The following EML6 variants were observed in gnomAD, a reference collection of about 807,000 sequenced individuals.
EML6 encodes the protein echinoderm microtubule-associated protein-like 6.
Under a neutral mutation model 240.1 loss-of-function variants are expected in EML6, and 154 were observed. The ratio of observed to expected loss-of-function variants is 0.64; its 90% CI spans 0.56 to 0.73. The LOEUF is 0.73. Ranked by LOEUF, EML6 falls within the 30% of genes least tolerant of loss-of-function variation. EML6 has a pLI of 0.00. For missense variants in EML6, 2,964 were observed against 2,474.6 expected, an observed-to-expected ratio of 1.20 and a Z score of -4.20; for synonymous variants, 1,148 against 899.0, an observed-to-expected ratio of 1.28 and a Z score of -4.95.
intron 24 of EML6, among the ~76,000 whole-genome samples, chr2:54,905,455 G>A (rs1319515883): frequency 2.0e-5 from 3 of 150,612 alleles, no homozygotes; most frequent in East Asian, 2.0e-4. Flanking sequence ...TTTCTATTAC[G>A]GAGTGAAGAG....
intron 2 of EML6, among the ~76,000 whole-genome samples, chr2:54,799,984 G>A (rs1433580014): frequency 6.6e-6 from 1 of 152,212 alleles, no homozygotes; most frequent in East Asian, 1.9e-4. Flanking sequence ...GGTGGCTCAC[G>A]CCTGTAATCT....
rs1377849091 is a variant in EML6 at position 54,844,392 on chromosome 2, G to A, written c.1049+144G>A. 5 of 656,292 alleles carry A rather than the reference G, an allele frequency of 7.6e-6. No individual in the cohort carries two copies. The Admixed American group carries it at 8.4e-5, about 11-fold the overall frequency. 40.7% of individuals were successfully genotyped at this position (656,292 alleles called of 1,614,324 possible). The stretch of plus-strand genomic sequence containing the variant: ...TTAAGACATTTAGCTCATCAAGTGG[G>A]TTTTTGGCATTTTGCTCCTGCTGTT... On this transcript the variant is annotated intron_variant, in intron 8 of 41. Transcript: ENST00000356458.
chr2:54,798,238 T>A (rs989592995), intron 2 of EML6, among the ~76,000 whole-genome samples: 1 of 152,224 alleles, frequency 6.6e-6, no homozygotes, highest in Non-Finnish European at 1.5e-5. Context: ...AGTGGCACCA[T>A]CTCGGCTCAC....
intron 17 of EML6, chr2:54,881,324 A>G (rs1452036321): frequency 6.6e-6 from 1 of 152,188 alleles, no homozygotes; most frequent in Non-Finnish European, 1.5e-5. Flanking sequence ...TAAAGCTTAT[A>G]TGTATGGCCT....
At chr2:54,889,773 A>G (rs1474321839) in intron 17 of EML6, among the ~76,000 whole-genome samples, 4 of 152,124 alleles carry the variant, frequency 2.6e-5, no homozygotes, top group Non-Finnish European at 4.4e-5. Flanking sequence ...AATCTCCTCT[A>G]GTTGCATTAG....
chr2:54,813,332 C>T lies in EML6; in HGVS notation c.298C>T (p.Leu100Phe), dbSNP rs1306158348. The T allele has an allele frequency of 1.6e-5, 25 of 1,551,526 alleles. No homozygotes were observed. The highest frequency in any genetic ancestry group is 2.0e-5 in the Non-Finnish European group (23 of 1,146,844). ...TTCCTATAATGTCCAGACTGTGTCT[C>T]TTCTTAAAGATGTCCATACACATGG... ...WDSYNVQTVS[L>F]LKDVHTHGVA... The change falls in exon 3 of 42, where the codon CTT becomes TTT. Residue 100 changes from leucine to phenylalanine, a missense_variant. Physicochemically the swap from Leu to Phe is conservative, Grantham distance 22 (BLOSUM62 0). Transcript: ENST00000356458.
chr2:54,795,446 C>T (rs552499049), intron 2 of EML6, among the ~76,000 whole-genome samples: 33 of 152,096 alleles, frequency 2.2e-4, no homozygotes, highest in South Asian at 8.3e-4. Flanking sequence ...ATGGGGATTA[C>T]AATTGGAGAT....
At position 54,820,434 on chromosome 2, in the gene EML6, T is replaced by C. The variant is rs557557361; in HGVS notation, c.497T>C (p.Val166Ala). The change falls in exon 5 of 42, where the codon GTG (valine) becomes GCG (alanine). Residue 166 changes from valine (V) to alanine (A), a missense_variant. Physicochemically the swap from Val to Ala is moderately conservative, Grantham distance 64 (BLOSUM62 0). Coordinates refer to ENST00000356458, the MANE Select transcript of EML6 (RefSeq NM_001039753.4). ...ISWDPYQPNRVVSCGVKHIKF... is the reference protein window; with the variant it reads ...ISWDPYQPNRAVSCGVKHIKF... ...TGGGATCCATATCAGCCAAACAGAGTGGTTAGCTGTGGAGTAAAACACATA... is the reference window on the plus strand; with the variant it reads ...TGGGATCCATATCAGCCAAACAGAGCGGTTAGCTGTGGAGTAAAACACATA... 9.0e-6 allele frequency: 14 copies of C among 1,549,762 alleles called. No homozygotes were observed. In the African/African-American group the frequency reaches 1.9e-4, roughly 21 times the overall value.
intron 2 of EML6, among the ~76,000 whole-genome samples, chr2:54,806,062 A>G (rs1363440198): frequency 6.6e-6 from 1 of 152,144 alleles, no homozygotes; most frequent in Non-Finnish European, 1.5e-5. Context: ...GACTTTAAGC[A>G]GAACTTCTAC....
chr2:54,926,096 G>C (rs1674528451), intron 26 of EML6, among the ~76,000 whole-genome samples: 1 of 152,152 alleles, frequency 6.6e-6, no homozygotes, highest in Admixed American at 6.5e-5. Context: ...CTACTCTGGA[G>C]ACATATTCCA....
chr2:54,823,878 T>G (rs2631843), intron 5 of EML6, among the ~76,000 whole-genome samples: 3 of 129,122 alleles, frequency 2.3e-5, no homozygotes, highest in African/African-American at 3.4e-5. Context: ...CTCTCTCTCT[T>G]TCTGTCTCTC....
At chr2:54,818,389 A>G (rs977274792) in intron 4 of EML6, among the ~76,000 whole-genome samples, 1 of 152,230 alleles carries the variant, frequency 6.6e-6, no homozygotes, top group African/African-American at 2.4e-5. Context: ...CTTCCGTAAC[A>G]AATAGCTGAG....
intron 13 of EML6, among the ~76,000 whole-genome samples, chr2:54,864,959 A>G (rs1019955639): frequency 3.3e-5 from 5 of 152,236 alleles, no homozygotes; most frequent in African/African-American, 1.2e-4. Flanking sequence ...GACACATTGT[A>G]TTATGCAATA....
At chr2:54,920,828 T>C (rs561126728) in intron 26 of EML6, among the ~76,000 whole-genome samples, 23 of 152,190 alleles carry the variant, frequency 1.5e-4, no homozygotes, top group African/African-American at 5.3e-4. Context: ...GTGGAATGTG[T>C]TCCTGGGATG....
At chr2:54,950,195 G>C (rs1675904203) in intron 29 of EML6, among the ~76,000 whole-genome samples, 1 of 152,174 alleles carries the variant, frequency 6.6e-6, no homozygotes, top group Non-Finnish European at 1.5e-5. Context: ...GCAAGCACCA[G>C]GCAGCAGAAC....
intron 2 of EML6, among the ~76,000 whole-genome samples, chr2:54,812,284 T>G (rs758698864): frequency 6.6e-6 from 1 of 150,850 alleles, no homozygotes; most frequent in Non-Finnish European, 1.5e-5. Context: ...GTGTCTGATA[T>G]CAGAACATAT....
chr2:54,867,469 C>G (rs1262175064), intron 14 of EML6: 3 of 152,134 alleles, frequency 2.0e-5, no homozygotes, highest in African/African-American at 7.2e-5. Context: ...CTATGATCAA[C>G]TTAAAAAATA....
rs1223358253 is a variant in EML6 at position 54,843,917 on chromosome 2, T to C, written c.848-130T>C. The C allele has an allele frequency of 8.7e-6, 6 of 689,182 alleles. No individual in the cohort carries two copies. The African/African-American group carries it at 1.1e-4, about 12-fold the overall frequency. 42.7% of individuals were successfully genotyped at this position (689,182 alleles called of 1,614,324 possible). ...TCTGCCTCCAAGAGTCTTTAAGATG[T>C]GTCACATTTGATGGTATCCTGGTTA... On this transcript the variant is annotated intron_variant, in intron 7 of 41. Transcript: ENST00000356458.
At chr2:54,885,215 C>CG (rs1672062086) in intron 17 of EML6, among the ~76,000 whole-genome samples, 1 of 151,998 alleles carries the variant, frequency 6.6e-6, no homozygotes, top group Non-Finnish European at 1.5e-5. Context: ...GAGGTTGAGG[C>CG]GGGCGGATCA....
Sources: allele counts gnomAD v4.1 joint callset (sites outside exome capture counted in the v4.1 genomes callset), GRCh38; gene constraint gnomAD v4.1.1; transcripts MANE v1.5; gene names NCBI Gene and HGNC (gene_info 2026-07-23, HGNC 2026-07-21).